The following LAMA2 variants were observed in gnomAD, a reference collection of about 807,000 sequenced individuals.
The protein encoded by LAMA2 is laminin subunit alpha 2, also known as laminin subunit alpha-2.
Under a neutral mutation model 364.8 loss-of-function variants are expected in LAMA2, and 269 were observed. That is an observed-to-expected ratio of 0.74 (90% CI 0.67 to 0.82). LAMA2 has a LOEUF of 0.82. Ranked by LOEUF, LAMA2 falls within the 40% of genes least tolerant of loss-of-function variation. The pLI is 0.00. For missense variants in LAMA2, 3,807 were observed against 3,873.2 expected (o/e 0.98, Z 0.45); for synonymous variants, 1,379 against 1,370.6 (o/e 1.01, Z -0.14).
chr6:129,352,311 A>G (rs1776895761), intron 31 of LAMA2, among the ~76,000 whole-genome samples: 1 of 152,222 alleles, frequency 6.6e-6, no homozygotes. Context: ...GAATGGATGC[A>G]TAGATACGTG....
chr6:128,941,499 T>G (rs534173468), intron 1 of LAMA2, among the ~76,000 whole-genome samples: 1 of 152,202 alleles, frequency 6.6e-6, no homozygotes, highest in African/African-American at 2.4e-5. Flanking sequence ...TTAGTGAGTA[T>G]TCTATGAACC....
At chr6:129,212,508 A>G (rs1350456518) in intron 12 of LAMA2, among the ~76,000 whole-genome samples, 1 of 152,138 alleles carries the variant, frequency 6.6e-6, no homozygotes, top group Non-Finnish European at 1.5e-5. Flanking sequence ...ACCCTGAAAG[A>G]TTAAGTCACT....
chr6:129,449,165 A>G (rs1360494736), intron 45 of LAMA2, among the ~76,000 whole-genome samples: 1 of 152,216 alleles, frequency 6.6e-6, no homozygotes, highest in Non-Finnish European at 1.5e-5. Flanking sequence ...AAAGCAGGTA[A>G]TCCAAGAGTA....
chr6:128,968,170 C>A (rs28485035), intron 1 of LAMA2, among the ~76,000 whole-genome samples: 12,538 of 152,186 alleles, frequency 0.082, 983 homozygotes, highest in African/African-American at 0.2. Flanking sequence ...TTTGTGAGGT[C>A]TTTATAAATG....
intron 32 of LAMA2, among the ~76,000 whole-genome samples, chr6:129,357,907 T>C (rs1313931167): frequency 1.3e-5 from 2 of 152,022 alleles, no homozygotes; most frequent in African/African-American, 4.8e-5. Flanking sequence ...GGACTTACTA[T>C]TCTGAAAAAT....
intron 1 of LAMA2, among the ~76,000 whole-genome samples, chr6:128,912,361 T>A (rs555559873): frequency 2.1e-4 from 32 of 152,200 alleles, no homozygotes; most frequent in Non-Finnish European, 4.4e-4. Context: ...CTCCCTCTTT[T>A]TACACAATTA....
rs1583133314 is a variant in LAMA2, at chr6:129,147,000, C to T, written c.861C>T (p.Cys287=). 13 of 1,611,956 alleles carry T rather than the reference C, an allele frequency of 8.1e-6. No individual in the cohort carries two copies. The highest frequency in any genetic ancestry group is 9.3e-6 in the Non-Finnish European group (11 of 1,178,216). Residue 287 remains cysteine (C), a synonymous_variant, in exon 6 of 65, where the codon TGC becomes TGT. Coordinates refer to ENST00000421865, the MANE Select transcript of LAMA2 (RefSeq NM_000426.4). ...SVKDISVGGM[C]ICYGHARACP... ...AGGATATTTCAGTTGGAGGGATGTG[C>T]ATCTGCTATGGTCATGCCAGGGCTT...
chr6:129,184,473 T>G (rs999236790), intron 10 of LAMA2, among the ~76,000 whole-genome samples: 1 of 151,896 alleles, frequency 6.6e-6, no homozygotes, highest in African/African-American at 2.4e-5. Flanking sequence ...TGAGGCCTCA[T>G]CGTTGACCCT....
At chr6:129,045,474 C>T (rs1787415899) in intron 1 of LAMA2, among the ~76,000 whole-genome samples, 1 of 152,160 alleles carries the variant, frequency 6.6e-6, no homozygotes, top group African/African-American at 2.4e-5. Flanking sequence ...ATCAATCTTA[C>T]TAATTCATAA....
rs1158816361 is a variant in LAMA2, at chr6:129,014,281, C to T, written c.113-35637C>T. Among the ~76,000 whole-genome samples the T allele has an allele frequency of 3.9e-5, 6 of 152,232 alleles. No individual in the cohort carries two copies. In the East Asian group the frequency reaches 1.2e-3, roughly 29 times the overall value. On this transcript the variant is annotated intron_variant, in intron 1 of 64. Transcript: ENST00000421865. ...TGTTCTGGCTATCTTACATTCGGAT[C>T]CTGTGTATTTTTTACACTGGCCTGG... is the stretch of plus-strand genomic sequence containing the variant.
chr6:129,376,178 A>G (rs1293745327), intron 34 of LAMA2, among the ~76,000 whole-genome samples: 1 of 151,938 alleles, frequency 6.6e-6, no homozygotes, highest in East Asian at 1.9e-4. Flanking sequence ...TCTCCCCACT[A>G]CTCATGGTCT....
chr6:129,343,271 T>G (rs1209659262), intron 30 of LAMA2, among the ~76,000 whole-genome samples: 1 of 152,224 alleles, frequency 6.6e-6, no homozygotes, highest in Non-Finnish European at 1.5e-5. Context: ...ACACTTTATC[T>G]TGAGTGTTAA....
chr6:128,949,777 G>T (rs13191561), intron 1 of LAMA2, among the ~76,000 whole-genome samples: 2,232 of 152,132 alleles, frequency 0.015, 27 homozygotes, highest in Non-Finnish European at 0.021. Context: ...AAACTTTGTA[G>T]ACATATTTAA....
intron 35 of LAMA2, among the ~76,000 whole-genome samples, chr6:129,388,503 G>A (rs1177069441): frequency 6.6e-6 from 1 of 152,050 alleles, no homozygotes; most frequent in African/African-American, 2.4e-5. Flanking sequence ...TCTATCTGTT[G>A]TCATTCTTTT....
chr6:129,270,740 C>A lies in LAMA2; in HGVS notation c.2439C>A (p.Ile813=). The change falls in exon 17 of 65, where the codon ATC becomes ATA. Residue 813 remains isoleucine (I), a synonymous_variant. Transcript: ENST00000421865. ...DCQPCACPLN[I]PSNNFSPTCH... is the part of the protein sequence containing the mutation. Reference sequence around the variant, plus strand: ...AACCCTGTGCCTGTCCACTCAATATCCCATCCAATAAGTAAGTAACAAACT... The same window carrying A: ...AACCCTGTGCCTGTCCACTCAATATACCATCCAATAAGTAAGTAACAAACT... 1 of 1,613,172 alleles carries A rather than the reference C, an allele frequency of 6.2e-7. No individual in the cohort carries two copies. The highest frequency in any genetic ancestry group is 1.7e-4 in the Middle Eastern group (1 of 6,056).
chr6:129,288,081 C>T, intron 19 of LAMA2, 23 bp downstream of exon 19: 1 of 1,594,100 alleles, frequency 6.3e-7, no homozygotes. Context: ...CTATTGATGC[C>T]CCTGACAGAA....
chr6:129,305,648 A>G (rs976110267), intron 22 of LAMA2, among the ~76,000 whole-genome samples: 1 of 151,704 alleles, frequency 6.6e-6, no homozygotes, highest in African/African-American at 2.4e-5. Flanking sequence ...AGAGAGAGAG[A>G]GTGTGTGTGT....
chr6:129,486,060 GA>G (rs1379312677), intron 55 of LAMA2, among the ~76,000 whole-genome samples: 1 of 152,240 alleles, frequency 6.6e-6, no homozygotes, highest in African/African-American at 2.4e-5. Flanking sequence ...AGAACAAATT[GA>G]AGTCTAAATA....
At position 129,031,326 on chromosome 6, in the gene LAMA2, C is replaced by A. The variant is rs138038320; in HGVS notation, c.113-18592C>A. 2.6e-3 allele frequency among the ~76,000 whole-genome samples: 390 copies of A among 152,202 alleles called. 1 individual carries two copies. The highest frequency in any genetic ancestry group is 8.5e-3 in the African/African-American group (355 of 41,528). ...ATGCAACACTCATTCTAATTCTTTA[C>A]ACTATGCATTAGGCTGAGGCCTGGT... On this transcript the variant is annotated intron_variant, in intron 1 of 64. Coordinates refer to ENST00000421865, the MANE Select transcript of LAMA2 (RefSeq NM_000426.4).
Sources: allele counts gnomAD v4.1 joint callset (sites outside exome capture counted in the v4.1 genomes callset), GRCh38; gene constraint gnomAD v4.1.1; transcripts MANE v1.5; gene names NCBI Gene and HGNC (gene_info 2026-07-23, HGNC 2026-07-21).